SGK1: variants seen among roughly 807,000 people sequenced by gnomAD.
The protein encoded by SGK1 is serum/glucocorticoid regulated kinase 1.
SGK1 carries 26 observed loss-of-function variants against 64.2 expected under a neutral mutation model. The ratio of observed to expected loss-of-function variants is 0.40; its 90% CI spans 0.30 to 0.56. The LOEUF is 0.56. Among genes scored for constraint, SGK1 ranks in the 20% least tolerant of loss-of-function variants. The pLI, the probability that SGK1 is intolerant of heterozygous loss-of-function variation, is 0.38. For synonymous variants in SGK1, 265 were observed against 239.7 expected, an observed-to-expected ratio of 1.11 and a Z score of -0.98; for missense variants, 519 against 645.6, an observed-to-expected ratio of 0.80 and a Z score of 2.12.
intron 3 of SGK1, among the ~76,000 whole-genome samples, chr6:134,203,136 G>T (rs897137233): frequency 7.9e-5 from 12 of 152,118 alleles, no homozygotes; most frequent in Non-Finnish European, 1.5e-5. Flanking sequence ...CCCACTACCT[G>T]GGAGGCTGAG....
intron 1 of SGK1, chr6:134,297,992 C>T: frequency 1.2e-6 from 1 of 829,848 alleles, no homozygotes; most frequent in Non-Finnish European, 2.1e-6. Context: ...TGGACAGCAT[C>T]ACAGACGTAT....
chr6:134,225,933 C>CA (rs71799978), intron 2 of SGK1, among the ~76,000 whole-genome samples: 12,319 of 148,184 alleles, frequency 0.083, 821 homozygotes, highest in East Asian at 0.25. Context: ...ACAAAAAAAA[C>CA]AAAAAAAAAC....
At chr6:134,282,901 A>G (rs1283783000) in intron 1 of SGK1, among the ~76,000 whole-genome samples, 1 of 151,768 alleles carries the variant, frequency 6.6e-6, no homozygotes, top group Non-Finnish European at 1.5e-5. Context: ...TCTCTGGAGA[A>G]CCCTAACTGA....
chr6:134,232,308 C>T (rs184360124), intron 2 of SGK1, among the ~76,000 whole-genome samples: 53 of 151,502 alleles, frequency 3.5e-4, no homozygotes, highest in African/African-American at 1.2e-3. Flanking sequence ...TCACTTGAAC[C>T]TGGGAGGCAG....
At chr6:134,183,668 T>C (rs12215063) in intron 3 of SGK1, among the ~76,000 whole-genome samples, 1,653 of 152,220 alleles carry the variant, frequency 0.011, 10 homozygotes, top group Non-Finnish European at 0.019. Context: ...GATTATCTAG[T>C]TTTTCAAGTG....
At chr6:134,201,003 T>C (rs1331684316) in intron 3 of SGK1, among the ~76,000 whole-genome samples, 1 of 152,068 alleles carries the variant, frequency 6.6e-6, no homozygotes, top group African/African-American at 2.4e-5. Context: ...CACTGGAATA[T>C]ATTTTCCATA....
intron 2 of SGK1, among the ~76,000 whole-genome samples, chr6:134,246,505 G>A (rs1776527030): frequency 6.6e-6 from 1 of 152,054 alleles, no homozygotes; most frequent in Non-Finnish European, 1.5e-5. Flanking sequence ...AGATGGGGGA[G>A]GACAGAAGCA....
chr6:134,314,533 C>T (rs1311952372), intron 1 of SGK1, among the ~76,000 whole-genome samples: 1 of 152,204 alleles, frequency 6.6e-6, no homozygotes, highest in Non-Finnish European at 1.5e-5. Flanking sequence ...CTAAGTCACA[C>T]TTTGCACATT....
Position 134,171,088 on chromosome 6 carries a change from T to C in SGK1, c.1258A>G (p.Arg420Gly). The change falls in exon 12 of 14, where the codon AGA becomes GGA. Residue 420 changes from arginine to glycine, a missense_variant. Physicochemically the swap from Arg to Gly is moderately radical, Grantham distance 125 (BLOSUM62 -2). Transcript: ENST00000367858. ...TGCAGGAGGCCCTCCAGGAGGTGTC[T>C]TGCGGAATTTGTAATATTTGGTTTC... ...QLKPNITNSA[R>G]HLLEGLLQKD... The C allele has an allele frequency of 6.2e-7, 1 of 1,614,164 alleles. No individual in the cohort carries two copies. Among genetic ancestry groups the C allele is most frequent in the Non-Finnish European group, 8.5e-7 (1 of 1,180,008 alleles).
chr6:134,215,260 C>T (rs1775961072), intron 2 of SGK1, among the ~76,000 whole-genome samples: 3 of 151,402 alleles, frequency 2.0e-5, no homozygotes, highest in South Asian at 4.2e-4. Flanking sequence ...GGATTATAGG[C>T]GCCTGCCACC....
chr6:134,236,083 C>A (rs1157889121), intron 2 of SGK1, among the ~76,000 whole-genome samples: 1 of 151,864 alleles, frequency 6.6e-6, no homozygotes, highest in Non-Finnish European at 1.5e-5. Flanking sequence ...TCTATTAGTT[C>A]TTGACTTTTC....
At chr6:134,208,918 G>C in intron 2 of SGK1, among the ~76,000 whole-genome samples, 1 of 129,870 alleles carries the variant, frequency 7.7e-6, no homozygotes, top group South Asian at 2.5e-4. Flanking sequence ...ACACACACAC[G>C]TGTTTTTTTC....
intron 8 of SGK1, 62 bp downstream of exon 8, chr6:134,172,960 CA>C (rs1406642745): frequency 6.5e-7 from 1 of 1,549,402 alleles, no homozygotes; most frequent in Non-Finnish European, 8.7e-7. Flanking sequence ...ACTTTTTTCT[CA>C]AACTAAAACA....
Position 134,172,263 on chromosome 6 carries a change from G to A in SGK1, c.1001C>T (p.Thr334Ile). The A allele has an allele frequency of 6.2e-7, 1 of 1,613,952 alleles. No homozygotes were observed. The highest frequency in any genetic ancestry group is 1.1e-5 in the South Asian group (1 of 91,072). The change falls in exon 10 of 14, where the codon ACT becomes ATT. Residue 334 changes from threonine to isoleucine, a missense_variant. This residue lies in a region of SGK1 where 278 missense variants were observed against 408.7 expected (regional missense o/e 0.68). Transcript: ENST00000367858. ...LLDSQGHIVLTDFGLCKENIE... is the reference protein window; with the variant it reads ...LLDSQGHIVLIDFGLCKENIE... ...GTTCTCCTTGCAGAGTCCGAAGTCA[G>A]TAAGGACAATGTGTCCCTGTGAATC...
intron 1 of SGK1, among the ~76,000 whole-genome samples, chr6:134,275,860 CA>C (rs1226641180): frequency 2.6e-5 from 4 of 152,218 alleles, no homozygotes; most frequent in Non-Finnish European, 5.9e-5. Context: ...CTCTAAGTCA[CA>C]AACTTGGGAA....
chr6:134,284,613 T>C (rs1264381953), intron 1 of SGK1, among the ~76,000 whole-genome samples: 1 of 151,908 alleles, frequency 6.6e-6, no homozygotes, highest in African/African-American at 2.4e-5. Flanking sequence ...ACCTCCTAAG[T>C]AGCTGGGACT....
intron 1 of SGK1, among the ~76,000 whole-genome samples, chr6:134,265,998 T>C (rs1330768565): frequency 1.3e-5 from 2 of 151,654 alleles, no homozygotes; most frequent in African/African-American, 4.8e-5. Context: ...TATTTATATT[T>C]ATTAAGATGG....
chr6:134,312,080 A>G (rs1196438403), intron 1 of SGK1, among the ~76,000 whole-genome samples: 1 of 152,216 alleles, frequency 6.6e-6, no homozygotes, highest in South Asian at 2.1e-4. Context: ...CACTCCAGTG[A>G]CGCAAATGGA....
chr6:134,317,287 C>A, intron 1 of SGK1, 105 bp downstream of exon 1: 1 of 797,284 alleles, frequency 1.3e-6, no homozygotes, highest in Non-Finnish European at 2.3e-6. Context: ...GCACGGCTTA[C>A]ATTAAGGGTT....
Sources: gnomAD v4.1 joint callset for allele counts (sites outside exome capture counted in the v4.1 genomes callset) on GRCh38, gnomAD v4.1.1 for gene constraint, gnomAD v4.1.1 regional missense constraint, MANE v1.5 for transcripts, NCBI Gene and HGNC (gene_info 2026-07-23, HGNC 2026-07-21) for gene names.